Variants in CHRM3 observed in about 807,000 individuals in gnomAD.
CHRM3 encodes the protein muscarinic acetylcholine receptor M3.
A neutral mutation model predicts 41.8 loss-of-function variants in CHRM3; 11 were observed. That is an observed-to-expected ratio of 0.26 (90% CI 0.17 to 0.44). The LOEUF (loss-of-function observed/expected upper bound fraction) is 0.44. Ranked by LOEUF, CHRM3 falls within the 20% of genes least tolerant of loss-of-function variation. The pLI, the probability that CHRM3 is intolerant of heterozygous loss-of-function variation, is 1.00. For synonymous variants in CHRM3, 297 were observed against 301.4 expected (o/e 0.99, Z 0.15); for missense variants, 571 against 745.4 (o/e 0.77, Z 2.72).
intron 1 of CHRM3, among the ~76,000 whole-genome samples, chr1:239,456,170 T>A (rs1008157982): frequency 6.6e-6 from 1 of 152,162 alleles, no homozygotes; most frequent in Non-Finnish European, 1.5e-5. Flanking sequence ...AAAACAAATA[T>A]AAATTTTAAG....
In CHRM3 at chr1:239,859,819, T is replaced by TTTTATATATATATATA. The variant is rs367766853; in HGVS notation, c.-20+32442_-20+32443insTTATATATATATATAT. 6.1e-5 allele frequency among the ~76,000 whole-genome samples: 8 copies of TTTTATATATATATATA among 131,414 alleles called. No individual in the cohort carries two copies. The East Asian group carries it at 6.4e-4, about 10-fold the overall frequency. The allele number at this position is 131,414 out of a possible 152,430, so 86.2% of individuals were successfully genotyped here. On this transcript the variant is annotated intron_variant, in intron 6 of 6. Coordinates refer to ENST00000676153, the MANE Select transcript of CHRM3 (RefSeq NM_001375978.1). Reference sequence around the variant, plus strand: ...AAATTATATATAAGTTCTAAGTGTTTTATATATATATATATATATATATAT... The same window carrying TTTTATATATATATATA: ...AAATTATATATAAGTTCTAAGTGTTTTTTATATATATATATATATATATATATATATATATATATAT...
chr1:239,704,440 A>G (rs1396003681), intron 5 of CHRM3: 1 of 152,212 alleles, frequency 6.6e-6, no homozygotes, highest in Non-Finnish European at 1.5e-5. Flanking sequence ...GGTGAACCAG[A>G]TCTAGGAAGG....
intron 3 of CHRM3, among the ~76,000 whole-genome samples, chr1:239,599,028 C>A (rs1665162174): frequency 6.6e-6 from 1 of 152,152 alleles, no homozygotes. Context: ...TTCTCTCCTG[C>A]TTTAAAGAGA....
Position 239,907,562 on chromosome 1 carries a change from CGGCAGCTACAATGTTTCTCGAGCAGCT to C in CHRM3, c.116_142del (p.Ser39_Gly47del). On this transcript the variant is annotated inframe_deletion, in exon 7 of 7. Coordinates refer to ENST00000676153, the MANE Select transcript of CHRM3 (RefSeq NM_001375978.1). This position sits in a 1 kb window ranked among gnomAD's most constrained non-coding sequence, Gnocchi z 5.4. ...TGCCCCCGGGAACCGTCACTCATTT[CGGCAGCTACAATGTTTCTCGAGCAGCT>C]GGCAATTTCTCCTCTCCAGACGGTA... The C allele has an allele frequency of 6.2e-7, 1 of 1,614,186 alleles. No individual in the cohort carries two copies. Among genetic ancestry groups the C allele is most frequent in the Admixed American group, 1.7e-5 (1 of 60,026 alleles).
At chr1:239,502,335 G>T (rs1668293739) in intron 2 of CHRM3, among the ~76,000 whole-genome samples, 2 of 152,022 alleles carry the variant, frequency 1.3e-5, no homozygotes, top group East Asian at 1.9e-4. Flanking sequence ...AAACCTAGAG[G>T]AGATGGATAA....
chr1:239,656,169 G>A (rs988494892), intron 4 of CHRM3, among the ~76,000 whole-genome samples: 2 of 152,016 alleles, frequency 1.3e-5, no homozygotes, highest in Admixed American at 6.6e-5. Context: ...GGAAGGAAGG[G>A]GGGGAAAGGG....
chr1:239,597,058 T>A (rs1664858034), intron 3 of CHRM3, among the ~76,000 whole-genome samples: 3 of 152,122 alleles, frequency 2.0e-5, no homozygotes. Context: ...AAAACTAAAA[T>A]AAAATAAACA....
intron 5 of CHRM3, among the ~76,000 whole-genome samples, chr1:239,797,315 G>T (rs648629): frequency 0.56 from 84,500 of 151,474 alleles, 25,274 homozygotes; most frequent in African/African-American, 0.79. Flanking sequence ...AATATATCCA[G>T]GTAGCAAACC....
At position 239,588,071 on chromosome 1, in the gene CHRM3, T is replaced by G. The variant is rs142692586; in HGVS notation, c.-313+42322T>G. ...CTAATTCAAAGCATGTAGCATATTT[T>G]AAATTCCATGCAAATACTGCATAAA... On this transcript the variant is annotated intron_variant, in intron 3 of 6. Transcript: ENST00000676153. 2.8e-3 allele frequency among the ~76,000 whole-genome samples: 422 copies of G among 152,364 alleles called. 2 individuals are homozygous for G. Among genetic ancestry groups the G allele is most frequent in the African/African-American group, 9.6e-3 (400 of 41,596 alleles).
At chr1:239,888,921 C>T (rs900604852) in intron 6 of CHRM3, among the ~76,000 whole-genome samples, 4 of 152,136 alleles carry the variant, frequency 2.6e-5, no homozygotes, top group Non-Finnish European at 4.4e-5. Flanking sequence ...AAGCCAGCAA[C>T]GGAGGACAAC....
intron 1 of CHRM3, among the ~76,000 whole-genome samples, chr1:239,404,146 A>G (rs576108340): frequency 2.8e-4 from 42 of 150,894 alleles, no homozygotes; most frequent in African/African-American, 5.8e-4. Flanking sequence ...AAAATTAGCC[A>G]GGCGTGGTGG....
In CHRM3 at chr1:239,734,635, A is replaced by G. The variant is rs1664251011; in HGVS notation, c.-147+56347A>G. Among the ~76,000 whole-genome samples, 3 of 152,136 alleles carry G rather than the reference A, an allele frequency of 2.0e-5. No individual in the cohort carries two copies. In the South Asian group the frequency reaches 6.2e-4, roughly 32 times the overall value. ...GAAGTCCAGTGAATAACTGATGATA[A>G]CATTTATTATATAATCAGATACATG... On this transcript the variant is annotated intron_variant, in intron 5 of 6. Coordinates refer to ENST00000676153, the MANE Select transcript of CHRM3 (RefSeq NM_001375978.1).
intron 6 of CHRM3, among the ~76,000 whole-genome samples, chr1:239,839,486 T>C (rs985093146): frequency 1.2e-4 from 18 of 152,176 alleles, no homozygotes; most frequent in African/African-American, 4.3e-4. Context: ...CTTCGAGTCA[T>C]ACAGTACCAG....
chr1:239,843,235 C>G (rs1673970486), intron 6 of CHRM3, among the ~76,000 whole-genome samples: 2 of 152,126 alleles, frequency 1.3e-5, no homozygotes, highest in African/African-American at 4.8e-5. Flanking sequence ...CCTTCATTTA[C>G]CAAACATCTG....
At chr1:239,457,533 A>G (rs1665043839) in intron 1 of CHRM3, among the ~76,000 whole-genome samples, 1 of 152,180 alleles carries the variant, frequency 6.6e-6, no homozygotes, top group Non-Finnish European at 1.5e-5. Context: ...CAAGTTTGGT[A>G]CTTTCTTGTC....
intron 1 of CHRM3, among the ~76,000 whole-genome samples, chr1:239,436,425 G>A (rs1251570864): frequency 1.3e-5 from 2 of 152,028 alleles, no homozygotes; most frequent in Non-Finnish European, 2.9e-5. Flanking sequence ...TGCTCTCACT[G>A]GACCATTAGG....
intron 6 of CHRM3, among the ~76,000 whole-genome samples, chr1:239,872,805 C>G (rs1676706860): frequency 6.6e-6 from 1 of 152,102 alleles, no homozygotes; most frequent in Admixed American, 6.5e-5. Flanking sequence ...TGATAGATGT[C>G]ATGAACAGAC....
chr1:239,757,035 C>T (rs1666302031), intron 5 of CHRM3, among the ~76,000 whole-genome samples: 1 of 152,154 alleles, frequency 6.6e-6, no homozygotes, highest in Non-Finnish European at 1.5e-5. Flanking sequence ...ACGTATCCTG[C>T]TGTAGCCTCA....
chr1:239,853,590 GA>G (rs1196925734), intron 6 of CHRM3, among the ~76,000 whole-genome samples: 2 of 151,732 alleles, frequency 1.3e-5, no homozygotes, highest in Non-Finnish European at 1.5e-5. Flanking sequence ...TTTAAAAGAA[GA>G]AAAAAATAAA....
Sources: allele counts gnomAD v4.1 joint callset (sites outside exome capture counted in the v4.1 genomes callset), GRCh38; gene constraint gnomAD v4.1.1; non-coding constraint Gnocchi (gnomAD v3.1); transcripts MANE v1.5; gene names NCBI Gene and HGNC (gene_info 2026-07-23, HGNC 2026-07-21).